LYPLAL1: variants seen among roughly 807,000 people sequenced by gnomAD.
LYPLAL1 encodes the protein lysophospholipase like 1, also known as lysophospholipase-like protein 1.
LYPLAL1 carries 23 observed loss-of-function variants against 19.7 expected under a neutral mutation model. The ratio of observed to expected loss-of-function variants is 1.17; its 90% confidence interval spans 0.84 to 1.65. The LOEUF (loss-of-function observed/expected upper bound fraction) is 1.65, where lower values mean the gene tolerates loss of function less well. LYPLAL1 is among the 40% of genes most tolerant of loss of function. LYPLAL1 has a pLI of 0.00. For synonymous variants in LYPLAL1, 119 were observed against 96.3 expected, an observed-to-expected ratio of 1.24 and a Z score of -1.38; for missense variants, 355 against 279.4, an observed-to-expected ratio of 1.27 and a Z score of -1.93.
At chr1:219,239,024 A>G in the LYPLAL1 span, among the ~76,000 whole-genome samples, 2 of 152,196 alleles carry the variant, frequency 1.3e-5, no homozygotes, top group African/African-American at 4.8e-5. Context: ...GGTTTGTCCC[A>G]GGAAATTTGT....
intron 2 of LYPLAL1, among the ~76,000 whole-genome samples, chr1:219,190,184 G>A (rs1657040448): frequency 6.6e-6 from 1 of 151,414 alleles, no homozygotes; most frequent in Non-Finnish European, 1.5e-5. Context: ...GTATGATATA[G>A]AACGAGCACC....
At chr1:219,264,352 AT>A in the LYPLAL1 span, among the ~76,000 whole-genome samples, 10 of 151,740 alleles carry the variant, frequency 6.6e-5, no homozygotes, top group African/African-American at 2.4e-4. Flanking sequence ...TCAGTTGAAA[AT>A]TTTTTTTTCT....
chr1:219,370,378 T>G, the LYPLAL1 span, among the ~76,000 whole-genome samples: 1 of 152,196 alleles, frequency 6.6e-6, no homozygotes, highest in African/African-American at 2.4e-5. Context: ...ACCTTCCTCT[T>G]TATCCCCTTT....
At chr1:219,353,355 T>C in the LYPLAL1 span, among the ~76,000 whole-genome samples, 1 of 152,196 alleles carries the variant, frequency 6.6e-6, no homozygotes, top group Non-Finnish European at 1.5e-5. Context: ...GAATGCCAGG[T>C]TTACATGCCA....
chr1:219,278,511 C>T, the LYPLAL1 span, among the ~76,000 whole-genome samples: 2 of 152,088 alleles, frequency 1.3e-5, no homozygotes, highest in African/African-American at 4.8e-5. Flanking sequence ...GGAACTTGCC[C>T]AAGTACACAC....
At chr1:219,399,771 A>G in the LYPLAL1 span, among the ~76,000 whole-genome samples, 1 of 152,244 alleles carries the variant, frequency 6.6e-6, no homozygotes, top group Admixed American at 6.5e-5. Flanking sequence ...GGTCGGTCAG[A>G]CCAGCCCCAT....
At chr1:219,228,002 C>T in the LYPLAL1 span, among the ~76,000 whole-genome samples, 8 of 152,292 alleles carry the variant, frequency 5.3e-5, no homozygotes, top group South Asian at 1.5e-3. Flanking sequence ...CACTTGTCAC[C>T]GCCATGCTAA....
At chr1:219,440,756 A>C in the LYPLAL1 span, among the ~76,000 whole-genome samples, 1 of 152,216 alleles carries the variant, frequency 6.6e-6, no homozygotes, top group Non-Finnish European at 1.5e-5. Context: ...GTAATGTATG[A>C]GAATTTTCTC....
the LYPLAL1 span, among the ~76,000 whole-genome samples, chr1:219,358,475 C>G: frequency 6.6e-6 from 1 of 152,094 alleles, no homozygotes; most frequent in Non-Finnish European, 1.5e-5. Context: ...CTGCCCGAGA[C>G]TGGGTAATTT....
the LYPLAL1 span, among the ~76,000 whole-genome samples, chr1:219,431,672 A>T: frequency 2.6e-5 from 4 of 152,332 alleles, no homozygotes; most frequent in African/African-American, 9.6e-5. Flanking sequence ...ACTTCAGAAG[A>T]TTATTGAAGC....
chr1:219,343,435 T>A, the LYPLAL1 span, among the ~76,000 whole-genome samples: 6 of 152,272 alleles, frequency 3.9e-5, 1 homozygote, highest in Admixed American at 3.9e-4. Context: ...TAGCTAAAAA[T>A]TAACAGCAAG....
chr1:219,192,535 C>G lies in LYPLAL1; in HGVS notation c.192-547C>G, dbSNP rs149281794. Among the ~76,000 whole-genome samples, 6 of 151,776 alleles carry G rather than the reference C, an allele frequency of 4.0e-5. No individual in the cohort carries two copies. The East Asian group carries it at 9.7e-4, about 25-fold the overall frequency. ...GATAAGGATTATCTTCTGTGCAACTCTTCCGTTTTTCATATTTGGAAAACA... is the reference window on the plus strand; with the variant it reads ...GATAAGGATTATCTTCTGTGCAACTGTTCCGTTTTTCATATTTGGAAAACA... On this transcript the variant is annotated intron_variant, in intron 2 of 4. Transcript: ENST00000366928.
At chr1:219,243,687 A>G in the LYPLAL1 span, among the ~76,000 whole-genome samples, 1 of 152,080 alleles carries the variant, frequency 6.6e-6, no homozygotes, top group East Asian at 1.9e-4. Context: ...TGGGAGGCCG[A>G]GGTGGGTGGA....
chr1:219,317,796 T>A, the LYPLAL1 span, among the ~76,000 whole-genome samples: 3 of 152,138 alleles, frequency 2.0e-5, no homozygotes, highest in Admixed American at 2.0e-4. Context: ...TTATATGAGA[T>A]CAAAAGACCC....
the LYPLAL1 span, among the ~76,000 whole-genome samples, chr1:219,308,425 A>G: frequency 6.6e-6 from 1 of 152,258 alleles, no homozygotes; most frequent in Admixed American, 6.5e-5. Context: ...AATCCCCAAG[A>G]TAATGGGAAA....
intron 3 of LYPLAL1, among the ~76,000 whole-genome samples, chr1:219,204,859 G>T (rs951960514): frequency 6.6e-6 from 1 of 151,948 alleles, no homozygotes; most frequent in Non-Finnish European, 1.5e-5. Context: ...TATAATTTAG[G>T]CTTAACTTAG....
the LYPLAL1 span, among the ~76,000 whole-genome samples, chr1:219,444,124 A>G: frequency 5.3e-5 from 8 of 152,150 alleles, no homozygotes; most frequent in Non-Finnish European, 1.2e-4. Context: ...AAATGACATT[A>G]TTCAAGGACC....
At chr1:219,177,496 A>G (rs947776113) in intron 1 of LYPLAL1, among the ~76,000 whole-genome samples, 5 of 152,088 alleles carry the variant, frequency 3.3e-5, no homozygotes, top group African/African-American at 1.2e-4. Context: ...CCTTGTATGC[A>G]TTACAAAGAG....
the LYPLAL1 span, among the ~76,000 whole-genome samples, chr1:219,360,877 C>T: frequency 6.6e-6 from 1 of 152,152 alleles, no homozygotes; most frequent in African/African-American, 2.4e-5. Flanking sequence ...TGGAGAAGAG[C>T]TGCTTCTTAC....
Sources: gnomAD v4.1 joint callset for allele counts (sites outside exome capture counted in the v4.1 genomes callset) on GRCh38, gnomAD v4.1.1 for gene constraint, MANE v1.5 for transcripts, NCBI Gene and HGNC (gene_info 2026-07-23, HGNC 2026-07-21) for gene names.